ATP2B2: variants seen among roughly 807,000 people sequenced by gnomAD.
ATP2B2 encodes the protein plasma membrane calcium-transporting ATPase 2.
A neutral mutation model predicts 120.0 loss-of-function variants in ATP2B2; 15 were observed. The ratio of observed to expected loss-of-function variants is 0.12; its 90% CI spans 0.08 to 0.19. The LOEUF (loss-of-function observed/expected upper bound fraction) is 0.19. Ranked by LOEUF, ATP2B2 falls within the 10% of genes least tolerant of loss-of-function variation. The pLI, the probability that ATP2B2 is intolerant of heterozygous loss-of-function variation, is 1.00. For synonymous variants in ATP2B2, 694 were observed against 700.3 expected, an observed-to-expected ratio of 0.99 and a Z score of 0.14; for missense variants, 1,045 against 1,719.8, an observed-to-expected ratio of 0.61 and a Z score of 6.94.
At chr3:10,577,733 C>T (rs573289910) in intron 2 of ATP2B2, among the ~76,000 whole-genome samples, 46 of 152,162 alleles carry the variant, frequency 3.0e-4, no homozygotes, top group Non-Finnish European at 4.0e-4. Context: ...GGATGCATTC[C>T]CGGCAGCGTG....
chr3:10,454,667 A>G (rs1163011818), intron 1 of ATP2B2, among the ~76,000 whole-genome samples: 1 of 152,230 alleles, frequency 6.6e-6, no homozygotes, highest in Admixed American at 6.5e-5. Context: ...AAAAATGTGA[A>G]GTCCACCAGC....
chr3:10,384,963 G>A (rs768264968), intron 8 of ATP2B2, among the ~76,000 whole-genome samples: 4 of 152,220 alleles, frequency 2.6e-5, no homozygotes, highest in Non-Finnish European at 4.4e-5. Context: ...CAGGTGGGAC[G>A]CTCCTTCTTG....
chr3:10,602,613 G>C (rs1311905002), intron 2 of ATP2B2, among the ~76,000 whole-genome samples: 3 of 152,198 alleles, frequency 2.0e-5, no homozygotes, highest in African/African-American at 7.2e-5. Flanking sequence ...CTTAGCTCCT[G>C]TTGATGACAA....
intron 1 of ATP2B2, among the ~76,000 whole-genome samples, chr3:10,493,318 G>A (rs1353597662): frequency 1.3e-5 from 2 of 152,204 alleles, no homozygotes; most frequent in Admixed American, 6.5e-5. Flanking sequence ...TCAGCTTGAT[G>A]AGAAGGAATC....
intron 1 of ATP2B2, among the ~76,000 whole-genome samples, chr3:10,476,358 A>G (rs2065202670): frequency 6.6e-6 from 1 of 152,216 alleles, no homozygotes; most frequent in South Asian, 2.1e-4. Context: ...CCCTCACCCC[A>G]CAAGGACTCA....
intron 1 of ATP2B2, among the ~76,000 whole-genome samples, chr3:10,623,054 C>CTTTT (rs34097914): frequency 1.3e-4 from 14 of 106,602 alleles, no homozygotes; most frequent in South Asian, 3.4e-4. Context: ...TTGGTCAGCT[C>CTTTT]TTTTTTTTTT....
At chr3:10,513,434 G>T (rs1559432220) in intron 3 of ATP2B2, among the ~76,000 whole-genome samples, 1 of 152,222 alleles carries the variant, frequency 6.6e-6, no homozygotes. Context: ...CCACTGTACA[G>T]ATTTCTGTCC....
chr3:10,491,010 T>C (rs1223618199), intron 1 of ATP2B2, among the ~76,000 whole-genome samples: 1 of 152,220 alleles, frequency 6.6e-6, no homozygotes, highest in African/African-American at 2.4e-5. Context: ...GCTCTTGTTT[T>C]TGTGTGGCTG....
chr3:10,507,940 T>A (rs2066679834), upstream of ATP2B2, among the ~76,000 whole-genome samples: 1 of 116,708 alleles, frequency 8.6e-6, no homozygotes, highest in Admixed American at 9.0e-5. Context: ...GCGCAGGCCA[T>A]CATGAGTGTG....
chr3:10,592,619 G>A (rs2068670986), intron 2 of ATP2B2, among the ~76,000 whole-genome samples: 1 of 152,100 alleles, frequency 6.6e-6, no homozygotes, highest in South Asian at 2.1e-4. Flanking sequence ...TCTTTGTCTT[G>A]TAATCATGAA....
chr3:10,653,277 G>A (rs1344814676), intron 1 of ATP2B2, among the ~76,000 whole-genome samples: 9 of 152,156 alleles, frequency 5.9e-5, no homozygotes, highest in Non-Finnish European at 1.0e-4. Flanking sequence ...TGAAAGCCAC[G>A]CAGCCACTCT....
chr3:10,379,763 G>T (rs904078677), intron 8 of ATP2B2, among the ~76,000 whole-genome samples: 1 of 150,276 alleles, frequency 6.7e-6, no homozygotes, highest in Non-Finnish European at 1.5e-5. Flanking sequence ...AGAGGGGAGA[G>T]GGGGAGAGAG....
At chr3:10,653,079 G>T (rs2070510363) in intron 1 of ATP2B2, among the ~76,000 whole-genome samples, 1 of 152,218 alleles carries the variant, frequency 6.6e-6, no homozygotes, top group Non-Finnish European at 1.5e-5. Flanking sequence ...AAACTGCTAA[G>T]ATGGTACATT....
chr3:10,665,334 C>T (rs1465001278), intron 1 of ATP2B2, among the ~76,000 whole-genome samples: 1 of 152,196 alleles, frequency 6.6e-6, no homozygotes, highest in African/African-American at 2.4e-5. Context: ...TCCTCTTCAT[C>T]CTTCAGACCT....
At chr3:10,354,055 C>T (rs1329538264) in intron 14 of ATP2B2, among the ~76,000 whole-genome samples, 1 of 152,222 alleles carries the variant, frequency 6.6e-6, no homozygotes, top group Non-Finnish European at 1.5e-5. Flanking sequence ...TTGCCCTGCT[C>T]ATTCTGTCCC....
At chr3:10,501,372 GGT>G (rs1559419362) in intron 1 of ATP2B2, among the ~76,000 whole-genome samples, 3 of 138,054 alleles carry the variant, frequency 2.2e-5, no homozygotes, top group Admixed American at 1.4e-4. Flanking sequence ...TTTTTTAAAC[GGT>G]TTTTTTTTTT....
intron 1 of ATP2B2, among the ~76,000 whole-genome samples, chr3:10,683,760 G>GTGTGTGTATGTGTA (rs1446781892): frequency 5.6e-5 from 3 of 53,912 alleles, no homozygotes; most frequent in Non-Finnish European, 7.6e-5. Context: ...GTGTGTGTGT[G>GTGTGTGTATGTGTA]TATATATATA....
chr3:10,528,248 C>A (rs2067139643), intron 3 of ATP2B2, among the ~76,000 whole-genome samples: 1 of 152,112 alleles, frequency 6.6e-6, no homozygotes, highest in Non-Finnish European at 1.5e-5. Context: ...GAAAGGGTGG[C>A]TACGACGCGT....
intron 2 of ATP2B2, among the ~76,000 whole-genome samples, chr3:10,439,857 G>GTGAT (rs1184584014): frequency 1.3e-5 from 2 of 151,798 alleles, no homozygotes; most frequent in African/African-American, 2.4e-5. Context: ...CCGGGTTCAA[G>GTGAT]TGATTCTTGT....
Sources: allele counts gnomAD v4.1 joint callset (sites outside exome capture counted in the v4.1 genomes callset), GRCh38; gene constraint gnomAD v4.1.1; transcripts MANE v1.5; gene names NCBI Gene and HGNC (gene_info 2026-07-23, HGNC 2026-07-21).